The following ISY1 variants were observed in gnomAD, a reference collection of about 807,000 sequenced individuals.
ISY1 encodes the protein pre-mRNA-splicing factor ISY1 homolog.
In ISY1, 12 loss-of-function variants were observed where a neutral mutation model predicts 54.4. That is an observed-to-expected ratio of 0.22 (90% CI 0.14 to 0.36). The LOEUF (loss-of-function observed/expected upper bound fraction) is 0.36. Among genes scored for constraint, ISY1 ranks in the 10% least tolerant of loss-of-function variants. The pLI is 1.00. For synonymous variants in ISY1, 96 were observed against 117.9 expected (o/e 0.81, Z 1.20); for missense variants, 282 against 342.2 (o/e 0.82, Z 1.39).
chr3:129,130,617 T>C lies in ISY1; in HGVS notation c.683A>G (p.Gln228Arg), dbSNP rs1377676448. Reference sequence around the variant, plus strand: ...CTGGCTGTCGTCCCCTCCTTTCTCCTGGCTGCCTTCCTCGTCCGACTACAA... The same window carrying C: ...CTGGCTGTCGTCCCCTCCTTTCTCCCGGCTGCCTTCCTCGTCCGACTACAA... Reference protein sequence around the residue: ...TEEESDEEGSQEKGGDDSQQK... With the variant: ...TEEESDEEGSREKGGDDSQQK... The change falls in exon 10 of 11, where the codon CAG becomes CGG. Residue 228 changes from glutamine (Q) to arginine (R), a missense_variant. By Grantham distance (43) the Gln-to-Arg change is conservative. Transcript: ENST00000393295. 1.9e-6 allele frequency: 3 copies of C among 1,614,074 alleles called. No individual in the cohort carries two copies. The highest frequency in any genetic ancestry group is 1.3e-5 in the African/African-American group (1 of 74,924).
intron 5 of ISY1, among the ~76,000 whole-genome samples, chr3:129,146,753 T>C (rs534484285): frequency 6.6e-6 from 1 of 152,196 alleles, no homozygotes; most frequent in South Asian, 2.1e-4. Flanking sequence ...CTGGATAGTC[T>C]ATTTTTTTAA....
At position 129,130,304 on chromosome 3, in the gene ISY1, C is replaced by T. The variant is rs537368603; in HGVS notation, c.751-116G>A. ...TCCATCAAGGAGTCTGATTTAAATA[C>T]GCAGAATAGTCTCCAAGAGTCCTAA... On this transcript the variant is annotated intron_variant, in intron 10 of 10. Coordinates refer to ENST00000393295, the MANE Select transcript of ISY1 (RefSeq NM_020701.4). The T allele has an allele frequency of 4.1e-5, 57 of 1,380,168 alleles. No homozygotes were observed. The South Asian group carries it at 5.0e-4, about 12-fold the overall frequency. The allele number at this position is 1,380,168 out of a possible 1,614,324, so 85.5% of individuals were successfully genotyped here. A position where few individuals can be genotyped will look rare whatever the true frequency, so the allele number is the denominator to read the frequency against.
At chr3:129,144,382 T>C (rs1239222844) in intron 6 of ISY1, among the ~76,000 whole-genome samples, 1 of 152,226 alleles carries the variant, frequency 6.6e-6, no homozygotes, top group African/African-American at 2.4e-5. Flanking sequence ...GAATACTCCA[T>C]TTGTATGTAC....
rs957799201 is a variant in ISY1 at position 129,129,132 on chromosome 3, C to G, written c.*949G>C. The G allele has an allele frequency of 1.3e-5, 2 of 152,216 alleles. No individual in the cohort carries two copies. Among genetic ancestry groups the G allele is most frequent in the Admixed American group, 1.3e-4 (2 of 15,270 alleles). The allele number at this position is 152,216 out of a possible 1,614,324, so 9.4% of individuals were successfully genotyped here. Reference sequence around the variant, plus strand: ...TTAGTGACTGGTCACATCCTAATGCCACTGTCACCTCAGAGCCGTTGGCCC... The same window carrying G: ...TTAGTGACTGGTCACATCCTAATGCGACTGTCACCTCAGAGCCGTTGGCCC... On this transcript the variant is annotated 3_prime_UTR_variant, in exon 11 of 11. Transcript: ENST00000393295.
rs545693078 is a variant in ISY1 at position 129,127,782 on chromosome 3, G to C, written c.*2299C>G. The stretch of plus-strand genomic sequence containing the variant: ...GGGGAGTGCTTTGTGCACTGAAGGC[G>C]TGGAACAGGGCACTGGAGGAGGAAG... On this transcript the variant is annotated 3_prime_UTR_variant, in exon 11 of 11. Transcript: ENST00000393295. 14 of 152,414 alleles carry C rather than the reference G, an allele frequency of 9.2e-5. 1 individual carries two copies. The South Asian group carries it at 2.1e-3, about 23-fold the overall frequency. 9.4% of individuals were successfully genotyped at this position (152,414 alleles called of 1,614,324 possible). A position where few individuals can be genotyped will look rare whatever the true frequency, so the allele number is the denominator to read the frequency against.
chr3:129,134,473 G>C (rs1936332474), intron 8 of ISY1, among the ~76,000 whole-genome samples: 1 of 152,224 alleles, frequency 6.6e-6, no homozygotes, highest in Non-Finnish European at 1.5e-5. Context: ...CATGAAAAGA[G>C]AGAAGGCAGG....
At chr3:129,145,573 C>T (rs936067590) in intron 6 of ISY1, among the ~76,000 whole-genome samples, 188 bp downstream of exon 6, 1 of 152,134 alleles carries the variant, frequency 6.6e-6, no homozygotes, top group African/African-American at 2.4e-5. Flanking sequence ...TTCCACAAGG[C>T]CTTCTGGCTG....
rs575621756 is a variant in ISY1, at chr3:129,157,790, G to T, written c.78+718C>A. Among the ~76,000 whole-genome samples, 4 of 150,924 alleles carry T rather than the reference G, an allele frequency of 2.7e-5. No individual in the cohort carries two copies. In the South Asian group the frequency reaches 8.4e-4, roughly 32 times the overall value. On this transcript the variant is annotated intron_variant, in intron 3 of 10. Transcript: ENST00000393295. ...GAAGAAACTGAAAAACAAGCAGCCA[G>T]ATCCATCACCCTGCCTCAGCTATGG...
intron 9 of ISY1, among the ~76,000 whole-genome samples, chr3:129,133,692 T>A (rs970483421): frequency 1.3e-5 from 2 of 151,892 alleles, no homozygotes; most frequent in African/African-American, 4.8e-5. Context: ...AGATTCCGTT[T>A]CAAAAAAAAT....
chr3:129,144,244 A>T (rs1936706517), intron 6 of ISY1: 1 of 346,362 alleles, frequency 2.9e-6, no homozygotes. Flanking sequence ...AAACAGCAAA[A>T]ATAAAATAAA....
At chr3:129,138,194 C>A (rs1032380233) in intron 7 of ISY1, among the ~76,000 whole-genome samples, 1 of 150,268 alleles carries the variant, frequency 6.7e-6, no homozygotes, top group African/African-American at 2.5e-5. Context: ...AGGAGAATGG[C>A]GTGAACCTGG....
At chr3:129,156,570 G>C (rs1347349760) in intron 5 of ISY1, 63 bp downstream of exon 5, 1 of 1,527,624 alleles carries the variant, frequency 6.5e-7, no homozygotes, top group Non-Finnish European at 9.0e-7. Flanking sequence ...AAGGAGTATT[G>C]AAGTCCTCAA....
chr3:129,152,599 T>C (rs1292380278), intron 5 of ISY1, among the ~76,000 whole-genome samples: 1 of 152,078 alleles, frequency 6.6e-6, no homozygotes, highest in African/African-American at 2.4e-5. Context: ...AGAGACGGGG[T>C]TTCACCGTGT....
chr3:129,140,251 CT>C, intron 7 of ISY1, 116 bp downstream of exon 7: 1 of 860,206 alleles, frequency 1.2e-6, no homozygotes, highest in Non-Finnish European at 1.8e-6. Context: ...ACAATAATTC[CT>C]ACACTATAAG....
intron 5 of ISY1, among the ~76,000 whole-genome samples, chr3:129,154,684 T>C (rs957743695): frequency 7.7e-6 from 1 of 129,830 alleles, no homozygotes; most frequent in African/African-American, 2.6e-5. Context: ...TTTATCAATT[T>C]TATTGATCTT....
At position 129,158,450 on chromosome 3, in the gene ISY1, C is replaced by T. The variant is rs1576895595; in HGVS notation, c.78+58G>A. On this transcript the variant is annotated intron_variant, in intron 3 of 10. Coordinates refer to ENST00000393295, the MANE Select transcript of ISY1 (RefSeq NM_020701.4). ...TTGGGATTACAGGCATGAGCCACTG[C>T]ACCCAGCCTGCATTTATTCTTGATA... The T allele has an allele frequency of 9.3e-6, 15 of 1,605,480 alleles. 1 individual carries two copies. In the South Asian group the frequency reaches 9.9e-5, roughly 11 times the overall value.
intron 7 of ISY1, chr3:129,137,213 AT>A: frequency 1.0e-6 from 1 of 984,510 alleles, no homozygotes; most frequent in Non-Finnish European, 1.2e-6. Context: ...AAATAAAAAA[AT>A]TTTTAAGGCC....
rs1294236188 is a variant in ISY1, at chr3:129,160,964, C to T, written c.3+9G>A. 6.5e-7 allele frequency: 1 copy of T among 1,545,074 alleles called. No homozygotes were observed. Among genetic ancestry groups the T allele is most frequent in the Non-Finnish European group, 8.7e-7 (1 of 1,145,258 alleles). ...TCCACTCGCTCCCTCACCCGCCCAC[C>T]CTACTCACCATGGTGTCGCTAAGGG... is the stretch of plus-strand genomic sequence containing the variant. On this transcript the variant is annotated intron_variant, in intron 1 of 10. Transcript: ENST00000393295.
intron 5 of ISY1, among the ~76,000 whole-genome samples, chr3:129,152,136 G>C (rs1936989380): frequency 6.6e-6 from 1 of 151,930 alleles, no homozygotes; most frequent in South Asian, 2.1e-4. Context: ...TCCAGCATGG[G>C]TGACAAGAGC....
Sources: allele counts gnomAD v4.1 joint callset (sites outside exome capture counted in the v4.1 genomes callset), GRCh38; gene constraint gnomAD v4.1.1; transcripts MANE v1.5; gene names NCBI Gene and HGNC (gene_info 2026-07-23, HGNC 2026-07-21).